Variants in HCN1 observed in about 807,000 individuals in gnomAD.
HCN1 encodes the protein potassium/sodium hyperpolarization-activated cyclic nucleotide-gated channel 1.
HCN1 carries 13 observed loss-of-function variants against 78.9 expected under a neutral mutation model. The observed-to-expected ratio is 0.16, with a 90% CI of 0.11 to 0.26. The LOEUF (loss-of-function observed/expected upper bound fraction) is 0.26. HCN1 is among the 10% of genes least tolerant of loss of function. The probability of loss-of-function intolerance (pLI) is 1.00; values close to 1 mark genes in which losing one functional copy is unlikely to be tolerated. For synonymous variants in HCN1, 552 were observed against 455.5 expected (o/e 1.21, Z -2.70); for missense variants, 810 against 1,154.3 (o/e 0.70, Z 4.32).
At chr5:45,372,446 A>T (rs1208163903) in intron 4 of HCN1, among the ~76,000 whole-genome samples, 2 of 123,956 alleles carry the variant, frequency 1.6e-5, no homozygotes, top group African/African-American at 6.1e-5. Context: ...CTTATATATA[A>T]AAATATATAA....
chr5:45,316,365 C>T (rs575600604), intron 5 of HCN1, among the ~76,000 whole-genome samples: 2 of 152,090 alleles, frequency 1.3e-5, no homozygotes, highest in African/African-American at 4.8e-5. Context: ...ATTCAACACC[C>T]CTTCATGCTA....
chr5:45,494,974 C>T (rs1353719466), intron 2 of HCN1, among the ~76,000 whole-genome samples: 2 of 142,682 alleles, frequency 1.4e-5, no homozygotes, highest in Admixed American at 7.1e-5. Flanking sequence ...TGTTTTGGTA[C>T]CAGTACCATG....
At chr5:45,607,514 AGTTT>A (rs1381947292) in intron 2 of HCN1, among the ~76,000 whole-genome samples, 1 of 151,052 alleles carries the variant, frequency 6.6e-6, no homozygotes, top group Non-Finnish European at 1.5e-5. Context: ...TTATTTAATT[AGTTT>A]AAGACATTTT....
In HCN1 at chr5:45,572,533, T is replaced by G. The variant is rs188288908; in HGVS notation, c.849+72652A>C. 4.6e-5 allele frequency among the ~76,000 whole-genome samples: 7 copies of G among 152,352 alleles called. No individual in the cohort carries two copies. In the East Asian group the frequency reaches 1.4e-3, roughly 29 times the overall value. On this transcript the variant is annotated intron_variant, in intron 2 of 7. Coordinates refer to ENST00000303230, the MANE Select transcript of HCN1 (RefSeq NM_021072.4). ...ATAAAAAGAAGTGTGGCTGTGTTTTTGTATATGTGGACATACAACTGTTGC... is the reference window on the plus strand; with the variant it reads ...ATAAAAAGAAGTGTGGCTGTGTTTTGGTATATGTGGACATACAACTGTTGC...
At chr5:45,633,255 C>T (rs1534392) in intron 2 of HCN1, among the ~76,000 whole-genome samples, 1 of 151,666 alleles carries the variant, frequency 6.6e-6, no homozygotes, top group African/African-American at 2.4e-5. Flanking sequence ...TATATTCTAG[C>T]ATAAGGAAGT....
intron 6 of HCN1, 77 bp from the exon 7 acceptor site, chr5:45,267,330 T>A: frequency 7.5e-7 from 1 of 1,338,016 alleles, no homozygotes; most frequent in Non-Finnish European, 1.1e-6. Context: ...TCCCACAACT[T>A]AAAACAAGTC....
chr5:45,390,598 C>T (rs1178205396), intron 4 of HCN1, among the ~76,000 whole-genome samples: 1 of 152,020 alleles, frequency 6.6e-6, no homozygotes, highest in Admixed American at 6.6e-5. Context: ...CTACAATATA[C>T]ATGTAGGGCA....
At chr5:45,655,250 C>T (rs1745743917) in intron 1 of HCN1, among the ~76,000 whole-genome samples, 2 of 152,006 alleles carry the variant, frequency 1.3e-5, no homozygotes, top group Admixed American at 1.3e-4. Context: ...AAAGTATTAA[C>T]TAATAAATAA....
intron 3 of HCN1, among the ~76,000 whole-genome samples, chr5:45,431,308 A>G (rs1463468278): frequency 6.6e-6 from 1 of 151,946 alleles, no homozygotes; most frequent in Non-Finnish European, 1.5e-5. Context: ...TTGCTTGTAA[A>G]TTTAATTTAT....
At chr5:45,424,595 C>T (rs1291443045) in intron 3 of HCN1, among the ~76,000 whole-genome samples, 1 of 152,062 alleles carries the variant, frequency 6.6e-6, no homozygotes, top group Non-Finnish European at 1.5e-5. Context: ...CCATGAAATG[C>T]AATATAAAAT....
At chr5:45,285,760 T>C (rs1407168819) in intron 6 of HCN1, among the ~76,000 whole-genome samples, 1 of 152,008 alleles carries the variant, frequency 6.6e-6, no homozygotes, top group Non-Finnish European at 1.5e-5. Context: ...AATTTTGTTT[T>C]ATTTTCTAGG....
At chr5:45,369,382 T>TAA (rs368426563) in intron 4 of HCN1, among the ~76,000 whole-genome samples, 3,839 of 152,130 alleles carry the variant, frequency 0.025, 194 homozygotes, top group African/African-American at 0.089. Flanking sequence ...GCCCATGGCA[T>TAA]AACTTTGTTT....
chr5:45,655,745 A>G (rs1331229905), intron 1 of HCN1, among the ~76,000 whole-genome samples: 1 of 152,114 alleles, frequency 6.6e-6, no homozygotes, highest in Non-Finnish European at 1.5e-5. Flanking sequence ...CCTTATGCCC[A>G]TATAGTAGCA....
At chr5:45,418,830 G>C (rs971643989) in intron 3 of HCN1, among the ~76,000 whole-genome samples, 2 of 152,100 alleles carry the variant, frequency 1.3e-5, no homozygotes, top group Admixed American at 6.6e-5. Context: ...ATGCCTCTCT[G>C]TAAGAATATT....
intron 6 of HCN1, among the ~76,000 whole-genome samples, chr5:45,288,710 C>T (rs1745316182): frequency 4.0e-5 from 6 of 151,862 alleles, no homozygotes; most frequent in Admixed American, 3.9e-4. Context: ...GCTTAGGTTC[C>T]CTAGACATAA....
At chr5:45,598,569 G>T (rs912196717) in intron 2 of HCN1, among the ~76,000 whole-genome samples, 2 of 152,130 alleles carry the variant, frequency 1.3e-5, no homozygotes, top group Admixed American at 6.6e-5. Flanking sequence ...AGACAAATGG[G>T]ATCTAATTAA....
intron 2 of HCN1, among the ~76,000 whole-genome samples, chr5:45,500,103 C>T (rs959840918): frequency 6.6e-6 from 1 of 151,878 alleles, no homozygotes; most frequent in Non-Finnish European, 1.5e-5. Context: ...GAAAATTATA[C>T]CATGGATGTT....
chr5:45,443,305 T>C (rs1051101403), intron 3 of HCN1, among the ~76,000 whole-genome samples: 2 of 152,154 alleles, frequency 1.3e-5, no homozygotes, highest in Admixed American at 1.3e-4. Context: ...ACTTTCTCCA[T>C]TTTTCTTGCT....
At chr5:45,343,935 C>T (rs1466032327) in intron 5 of HCN1, among the ~76,000 whole-genome samples, 2 of 151,946 alleles carry the variant, frequency 1.3e-5, no homozygotes, top group Admixed American at 1.3e-4. Flanking sequence ...GTCCCAGCAT[C>T]TTAGAAAAAT....
Sources: gnomAD v4.1 joint callset for allele counts (sites outside exome capture counted in the v4.1 genomes callset) on GRCh38, gnomAD v4.1.1 for gene constraint, MANE v1.5 for transcripts, NCBI Gene and HGNC (gene_info 2026-07-23, HGNC 2026-07-21) for gene names.